DNAH5: variants seen among roughly 807,000 people sequenced by gnomAD.
The protein encoded by DNAH5 is axonemal beta dynein heavy chain 5.
A neutral mutation model predicts 518.2 loss-of-function variants in DNAH5; 372 were observed. The observed-to-expected ratio is 0.72, with a 90% confidence interval of 0.66 to 0.78. The LOEUF is 0.78. DNAH5 is among the 30% of genes least tolerant of loss of function. The pLI, the probability that DNAH5 is intolerant of heterozygous loss-of-function variation, is 0.00. For missense variants in DNAH5, 5,523 were observed against 5,687.0 expected, an observed-to-expected ratio of 0.97 and a Z score of 0.93; for synonymous variants, 2,039 against 2,025.9, an observed-to-expected ratio of 1.01 and a Z score of -0.17.
At chr5:13,739,357 C>G (rs957499936) in intron 65 of DNAH5, among the ~76,000 whole-genome samples, 5 of 152,142 alleles carry the variant, frequency 3.3e-5, no homozygotes, top group Non-Finnish European at 7.3e-5. Flanking sequence ...TTATCAGCAT[C>G]TGGCACTTCC....
intron 53 of DNAH5, among the ~76,000 whole-genome samples, chr5:13,779,578 C>T (rs1208563475): frequency 6.6e-6 from 1 of 152,168 alleles, no homozygotes; most frequent in Non-Finnish European, 1.5e-5. Flanking sequence ...TGGTTCTAAC[C>T]TTATCTTGGT....
At position 13,762,823 on chromosome 5, in the gene DNAH5, C is replaced by T. The variant is rs770289921; in HGVS notation, c.10180G>A (p.Glu3394Lys). ...TTTCCACATACGCGTTTAGCAGTTT[C>T]GATGTTATAGTCAGGCATTTCAAAG... ...PYFEMPDYNI[E>K]TAKRVCGNVA... The change falls in exon 60 of 79, where the codon GAA (glutamate) becomes AAA (lysine). Residue 3394 changes from glutamate (E) to lysine (K), a missense_variant. Physicochemically the swap from Glu to Lys is moderately conservative, Grantham distance 56. Coordinates refer to ENST00000265104, the MANE Select transcript of DNAH5 (RefSeq NM_001369.3). 1.8e-5 allele frequency: 29 copies of T among 1,613,886 alleles called. No homozygotes were observed. Among genetic ancestry groups the T allele is most frequent in the Non-Finnish European group, 2.3e-5 (27 of 1,179,880 alleles).
chr5:13,806,122 G>A (rs568221499), intron 47 of DNAH5, among the ~76,000 whole-genome samples: 1 of 152,064 alleles, frequency 6.6e-6, no homozygotes, highest in Admixed American at 6.5e-5. Flanking sequence ...CCTTTAAAGA[G>A]AATGTCCTCC....
At chr5:13,927,052 A>T (rs908097615) in intron 3 of DNAH5, among the ~76,000 whole-genome samples, 4 of 152,160 alleles carry the variant, frequency 2.6e-5, no homozygotes, top group Admixed American at 1.3e-4. Flanking sequence ...CTTTTATCAA[A>T]TGGGTCATAA....
At chr5:13,724,272 G>T (rs1309348405) in intron 70 of DNAH5, among the ~76,000 whole-genome samples, 1 of 152,188 alleles carries the variant, frequency 6.6e-6, no homozygotes, top group East Asian at 1.9e-4. Context: ...AATTATTTTG[G>T]AGATTCAAGA....
intron 76 of DNAH5, among the ~76,000 whole-genome samples, chr5:13,702,763 A>C (rs1048020163): frequency 5.3e-5 from 8 of 152,276 alleles, no homozygotes; most frequent in African/African-American, 1.9e-4. Flanking sequence ...AATAACATGG[A>C]GAAGACAAGA....
rs760613466 is a variant in DNAH5, at chr5:13,794,063, G to T, written c.7888-5C>A. The T allele has an allele frequency of 5.3e-5, 85 of 1,608,294 alleles. No homozygotes were observed. The highest frequency in any genetic ancestry group is 6.8e-5 in the Non-Finnish European group (80 of 1,176,940). On this transcript the variant is annotated splice_polypyrimidine_tract_variant and splice_region_variant and intron_variant, in intron 47 of 78. Transcript: ENST00000265104. ...CACATAGCTCTCTATCGTCCTCTGTGAAAAAAAAATCAACTGAAACATCTG... is the reference window on the plus strand; with the variant it reads ...CACATAGCTCTCTATCGTCCTCTGTTAAAAAAAAATCAACTGAAACATCTG...
intron 29 of DNAH5, chr5:13,860,617 A>C (rs1182697649): frequency 2.0e-5 from 3 of 152,256 alleles, no homozygotes; most frequent in African/African-American, 4.8e-5. Context: ...TGGGAAAGAC[A>C]GATGAGTGAG....
rs183702302 is a variant in DNAH5 at position 13,844,264 on chromosome 5, G to A, written c.5271+573C>T. ...TAGGGGTTTGTATGAAGCACCAGAGGGAAACTGAATACAATATCTAACAAG... is the reference window on the plus strand; with the variant it reads ...TAGGGGTTTGTATGAAGCACCAGAGAGAAACTGAATACAATATCTAACAAG... On this transcript the variant is annotated intron_variant, in intron 32 of 78. Coordinates refer to ENST00000265104, the MANE Select transcript of DNAH5 (RefSeq NM_001369.3). 3.0e-4 allele frequency among the ~76,000 whole-genome samples: 45 copies of A among 152,280 alleles called. 1 individual carries two copies. Among genetic ancestry groups the A allele is most frequent in the Admixed American group, 7.8e-4 (12 of 15,304 alleles).
At chr5:14,003,136 A>C (rs1171198604) in intron 1 of DNAH5, among the ~76,000 whole-genome samples, 1 of 152,136 alleles carries the variant, frequency 6.6e-6, no homozygotes, top group Non-Finnish European at 1.5e-5. Context: ...GTCCTTTTTC[A>C]TTTTGTCTTA....
At chr5:13,787,856 C>T (rs1351625293) in intron 51 of DNAH5, among the ~76,000 whole-genome samples, 1 of 152,156 alleles carries the variant, frequency 6.6e-6, no homozygotes, top group Non-Finnish European at 1.5e-5. Flanking sequence ...TGATAGTTCA[C>T]ATTTACAGTT....
At chr5:13,724,221 T>A (rs962917746) in intron 70 of DNAH5, among the ~76,000 whole-genome samples, 26 of 152,242 alleles carry the variant, frequency 1.7e-4, no homozygotes, top group African/African-American at 6.0e-4. Context: ...GCCCATCCCT[T>A]GCACCAGTGT....
At chr5:13,777,405 G>A in intron 53 of DNAH5, 50 bp from the exon 54 acceptor site, 1 of 1,565,102 alleles carries the variant, frequency 6.4e-7, no homozygotes, top group Non-Finnish European at 8.8e-7. Context: ...TTCATGAGAG[G>A]GAAAGAACCT....
chr5:13,747,701 G>T (rs1749586958), intron 65 of DNAH5, among the ~76,000 whole-genome samples: 1 of 152,170 alleles, frequency 6.6e-6, no homozygotes, highest in Admixed American at 6.5e-5. Context: ...AGAAGTGTCT[G>T]TTCATATCCT....
At chr5:13,732,296 G>A (rs1265991381) in intron 68 of DNAH5, among the ~76,000 whole-genome samples, 1 of 152,118 alleles carries the variant, frequency 6.6e-6, no homozygotes. Context: ...TCTGGTGAGA[G>A]CTCACTTCTG....
intron 1 of DNAH5, among the ~76,000 whole-genome samples, chr5:13,963,299 C>T (rs904037485): frequency 2.6e-5 from 4 of 152,086 alleles, no homozygotes; most frequent in Admixed American, 2.0e-4. Flanking sequence ...ATGACCTGGT[C>T]GGAAGCGGTG....
Position 13,793,548 on chromosome 5 carries a change from A to T in DNAH5, c.8191T>A (p.Leu2731Met). The T allele has an allele frequency of 6.2e-7, 1 of 1,614,062 alleles. No homozygotes were observed. Among genetic ancestry groups the T allele is most frequent in the South Asian group, 1.1e-5 (1 of 91,084 alleles). The change falls in exon 49 of 79, where the codon TTG (leucine) becomes ATG (methionine). Residue 2731 changes from leucine to methionine, a missense_variant. Coordinates refer to ENST00000265104, the MANE Select transcript of DNAH5 (RefSeq NM_001369.3). ...TTGTCCACAGAAGCTTCAGAGGGCA[A>T]CGTGCAATTAAATATAGAGAACTGC... ...KRQFSIFNCT[L>M]PSEASVDKIF...
Position 13,754,217 on chromosome 5 carries a change from GTT to G in DNAH5, c.10539_10540del (p.Gln3513HisfsTer2). On this transcript the variant is annotated frameshift_variant, in exon 62 of 79. Transcript: ENST00000265104. LOFTEE classifies it high-confidence loss of function. ...AATTTACATACCTACAAGTCTTTTAGTTTGTGCAGCAAACTCTTGGCTTTGCT... is the reference window on the plus strand; with the variant it reads ...AATTTACATACCTACAAGTCTTTTAGTGTGCAGCAAACTCTTGGCTTTGCT... 6.2e-7 allele frequency: 1 copy of G among 1,613,980 alleles called. No homozygotes were observed. The highest frequency in any genetic ancestry group is 8.5e-7 in the Non-Finnish European group (1 of 1,179,946).
In DNAH5 at chr5:13,739,982, AC is replaced by A. The variant is rs1369626184; in HGVS notation, c.11212-2488del. Among the ~76,000 whole-genome samples the A allele has an allele frequency of 3.3e-5, 5 of 152,204 alleles. No homozygotes were observed. In the South Asian group the frequency reaches 8.3e-4, roughly 25 times the overall value. On this transcript the variant is annotated intron_variant, in intron 65 of 78. Transcript: ENST00000265104. ...ATCTAAGAGACTTCTCCTACTTAGCACCATCAGCAAAACTAAACGTCTGATC... is the reference window on the plus strand; with the variant it reads ...ATCTAAGAGACTTCTCCTACTTAGCACATCAGCAAAACTAAACGTCTGATC...
Sources: allele counts gnomAD v4.1 joint callset (sites outside exome capture counted in the v4.1 genomes callset), GRCh38; gene constraint gnomAD v4.1.1; transcripts MANE v1.5; gene names NCBI Gene and HGNC (gene_info 2026-07-23, HGNC 2026-07-21).